The following CDH23 variants were observed in gnomAD, a reference collection of about 807,000 sequenced individuals.
CDH23 encodes the protein cadherin-23.
In CDH23, 189 loss-of-function variants were observed where a neutral mutation model predicts 317.1. The observed-to-expected ratio is 0.60, with a 90% CI of 0.53 to 0.67. The LOEUF (loss-of-function observed/expected upper bound fraction) is 0.67. Ranked by LOEUF, CDH23 falls within the 30% of genes least tolerant of loss-of-function variation. The probability of loss-of-function intolerance (pLI) is 0.00; values close to 1 mark genes in which losing one functional copy is unlikely to be tolerated. For missense variants in CDH23, 4,401 were observed against 4,592.4 expected, an observed-to-expected ratio of 0.96 and a Z score of 1.20; for synonymous variants, 1,839 against 1,876.8, an observed-to-expected ratio of 0.98 and a Z score of 0.52.
chr10:71,542,702 C>T (rs1047924919), intron 6 of CDH23, among the ~76,000 whole-genome samples: 3 of 152,226 alleles, frequency 2.0e-5, no homozygotes, highest in Non-Finnish European at 4.4e-5. Context: ...AAGCACCAGA[C>T]TCCTGCCTCC....
intron 3 of CDH23, among the ~76,000 whole-genome samples, chr10:71,476,487 A>G (rs757934105): frequency 5.3e-5 from 8 of 152,132 alleles, no homozygotes; most frequent in African/African-American, 1.2e-4. Flanking sequence ...CCCAGCTCCA[A>G]TTTGCTCCTG....
chr10:71,440,844 A>T (rs1044421798), intron 2 of CDH23, among the ~76,000 whole-genome samples: 1 of 152,178 alleles, frequency 6.6e-6, no homozygotes, highest in African/African-American at 2.4e-5. Context: ...ACCTGGTGAC[A>T]CACGCAAACA....
chr10:71,577,985 C>A lies in CDH23; in HGVS notation c.825C>A (p.Ile275=). The change falls in exon 9 of 70, where the codon ATC becomes ATA. Residue 275 remains isoleucine (I), a synonymous_variant. Coordinates refer to ENST00000224721, the MANE Select transcript of CDH23 (RefSeq NM_022124.6). ...GTCCCCGGGGCATTGGCTACACCAT[C>A]GTTTCAGGTAAGACAGAAGGCTGCC... ...KGRPRGIGYT[I]VSGNTNSIFA... 2.5e-6 allele frequency: 4 copies of A among 1,598,722 alleles called. No homozygotes were observed. Among genetic ancestry groups the A allele is most frequent in the Non-Finnish European group, 3.4e-6 (4 of 1,172,830 alleles).
intron 45 of CDH23, among the ~76,000 whole-genome samples, 168 bp downstream of exon 45, chr10:71,789,210 G>C (rs1191727846): frequency 1.3e-5 from 2 of 152,174 alleles, no homozygotes; most frequent in Non-Finnish European, 2.9e-5. Context: ...TGGGGCTCCC[G>C]GGCCTCCTAT....
intron 57 of CDH23, 121 bp from the exon 58 acceptor site, chr10:71,807,156 T>A: frequency 7.9e-7 from 1 of 1,257,942 alleles, no homozygotes; most frequent in Non-Finnish European, 1.1e-6. Flanking sequence ...ACTCACCCCA[T>A]AAGGCCTGGA....
At chr10:71,564,706 T>C (rs1857303854) in intron 6 of CDH23, among the ~76,000 whole-genome samples, 1 of 152,014 alleles carries the variant, frequency 6.6e-6, no homozygotes, top group Non-Finnish European at 1.5e-5. Flanking sequence ...TCATACAGAG[T>C]GGTTTAAGTA....
intron 34 of CDH23, among the ~76,000 whole-genome samples, chr10:71,737,167 CA>C (rs1839590027): frequency 6.6e-6 from 1 of 152,166 alleles, no homozygotes; most frequent in South Asian, 2.1e-4. Context: ...TCAGGGACCT[CA>C]GGGAACTCCA....
chr10:71,791,036 C>G, intron 46 of CDH23, 96 bp from the exon 47 acceptor site: 1 of 937,770 alleles, frequency 1.1e-6, no homozygotes, highest in South Asian at 1.5e-5. Flanking sequence ...CATGGTGCCC[C>G]TGTCTTTCTC....
intron 38 of CDH23, among the ~76,000 whole-genome samples, chr10:71,766,068 G>GC (rs1275846381): frequency 6.6e-6 from 1 of 152,256 alleles, no homozygotes; most frequent in Non-Finnish European, 1.5e-5. Flanking sequence ...GCCTGCACGT[G>GC]CCCCGCGGAC....
At chr10:71,664,000 CAAAA>C (rs772733185) in intron 14 of CDH23, among the ~76,000 whole-genome samples, 1 of 90,482 alleles carries the variant, frequency 1.1e-5, no homozygotes. Flanking sequence ...GACTCTGTCT[CAAAA>C]AAAAAAAAAA....
At chr10:71,740,751 T>A in intron 36 of CDH23, 71 bp from the exon 37 acceptor site, 2 of 1,596,526 alleles carry the variant, frequency 1.3e-6, no homozygotes, top group Non-Finnish European at 8.5e-7. Flanking sequence ...TGCACAGCCC[T>A]TTTGGACTCC....
Position 71,751,930 on chromosome 10 carries a change from A to G in CDH23, c.4845+10009A>G. On this transcript the variant is annotated intron_variant, in intron 38 of 69. Transcript: ENST00000224721. This position sits in a 1 kb window ranked among gnomAD's most constrained non-coding sequence, Gnocchi z 4.9. ...CGTGAACTCTGCCCTCCCTGCCCCC[A>G]GTTTTTCTCTCCTCCCTTTCTCTCA... is the stretch of plus-strand genomic sequence containing the variant. 2 of 1,450,462 alleles carry G rather than the reference A, an allele frequency of 1.4e-6. No individual in the cohort carries two copies. Among genetic ancestry groups the G allele is most frequent in the South Asian group, 1.3e-5 (1 of 77,204 alleles). 89.8% of individuals were successfully genotyped at this position (1,450,462 alleles called of 1,614,324 possible).
chr10:71,528,922 G>C (rs1855199057), intron 6 of CDH23, among the ~76,000 whole-genome samples: 1 of 152,212 alleles, frequency 6.6e-6, no homozygotes, highest in South Asian at 2.1e-4. Flanking sequence ...AGAACAGGTT[G>C]TTTCCTGTGT....
At chr10:71,423,218 C>G (rs1394523352) in intron 1 of CDH23, among the ~76,000 whole-genome samples, 2 of 152,018 alleles carry the variant, frequency 1.3e-5, no homozygotes, top group Admixed American at 1.3e-4. Context: ...ACGGGGACAT[C>G]TGTTTGTCAG....
At chr10:71,585,429 G>A (rs1260330584) in intron 9 of CDH23, among the ~76,000 whole-genome samples, 2 of 152,200 alleles carry the variant, frequency 1.3e-5, no homozygotes, top group African/African-American at 4.8e-5. Flanking sequence ...CCCTCTGGCA[G>A]CCACTAGCAG....
At chr10:71,687,523 C>T (rs771395012) in intron 18 of CDH23, 124 bp from the exon 19 acceptor site, 4 of 803,434 alleles carry the variant, frequency 5.0e-6, no homozygotes, top group East Asian at 5.2e-5. Flanking sequence ...TCTGGTTATA[C>T]GGAGAGGCCA....
intron 38 of CDH23, among the ~76,000 whole-genome samples, chr10:71,757,906 ACAGCCCCT>A (rs1226642666): frequency 1.3e-5 from 2 of 152,192 alleles, no homozygotes; most frequent in Non-Finnish European, 2.9e-5. Context: ...CTGAGAAACC[ACAGCCCCT>A]CAGCAATGCA....
At chr10:71,676,861 G>A (rs979802119) in intron 15 of CDH23, among the ~76,000 whole-genome samples, 6 of 152,210 alleles carry the variant, frequency 3.9e-5, no homozygotes, top group Non-Finnish European at 5.9e-5. Flanking sequence ...AGGCTTGGTG[G>A]CTGGCAGCTG....
At chr10:71,447,643 C>G (rs774035667) in intron 3 of CDH23, among the ~76,000 whole-genome samples, 3 of 152,046 alleles carry the variant, frequency 2.0e-5, no homozygotes, top group Non-Finnish European at 4.4e-5. Flanking sequence ...GTTTGGGGAT[C>G]TGGGTGTTTG....
Sources: gnomAD v4.1 joint callset for allele counts (sites outside exome capture counted in the v4.1 genomes callset) on GRCh38, gnomAD v4.1.1 for gene constraint, Gnocchi (gnomAD v3.1) non-coding constraint, MANE v1.5 for transcripts, NCBI Gene and HGNC (gene_info 2026-07-23, HGNC 2026-07-21) for gene names.